PRDM10: variants seen among roughly 807,000 people sequenced by gnomAD.
The protein encoded by PRDM10 is PR domain zinc finger protein 10.
A neutral mutation model predicts 133.1 loss-of-function variants in PRDM10; 65 were observed. The observed-to-expected ratio is 0.49, with a 90% CI of 0.40 to 0.60. PRDM10 has a LOEUF of 0.60. Among genes scored for constraint, PRDM10 ranks in the 20% least tolerant of loss-of-function variants. The pLI is 0.00. For synonymous variants in PRDM10, 582 were observed against 580.4 expected, an observed-to-expected ratio of 1.00 and a Z score of -0.04; for missense variants, 1,137 against 1,507.1, an observed-to-expected ratio of 0.75 and a Z score of 4.07.
chr11:129,980,438 G>A (rs1938041926), intron 1 of PRDM10, among the ~76,000 whole-genome samples: 1 of 152,080 alleles, frequency 6.6e-6, no homozygotes, highest in African/African-American at 2.4e-5. Context: ...GAGGGATCAA[G>A]ATGCTCACTC....
chr11:129,931,286 G>T, intron 10 of PRDM10, 28 bp from the exon 11 acceptor site: 1 of 1,609,358 alleles, frequency 6.2e-7, no homozygotes, highest in East Asian at 2.2e-5. Context: ...CAGGAATAGA[G>T]ATCAGTGCCG....
chr11:129,917,075 G>A, intron 15 of PRDM10, 52 bp downstream of exon 15: 1 of 1,344,304 alleles, frequency 7.4e-7, no homozygotes, highest in Admixed American at 1.9e-5. Flanking sequence ...GGACAAGTCA[G>A]CTCTAAGCAG....
chr11:129,939,850 A>AG (rs1247449102), intron 7 of PRDM10, among the ~76,000 whole-genome samples: 1 of 152,242 alleles, frequency 6.6e-6, no homozygotes, highest in Non-Finnish European at 1.5e-5. Context: ...GAGTCAATTG[A>AG]GGAAAAAGAC....
At chr11:129,962,342 C>G (rs1375569689) in intron 1 of PRDM10, among the ~76,000 whole-genome samples, 1 of 152,226 alleles carries the variant, frequency 6.6e-6, no homozygotes, top group Non-Finnish European at 1.5e-5. Context: ...GGTACGTGAA[C>G]TTCGAAAGTC....
chr11:129,996,482 G>A (rs977693314), intron 1 of PRDM10, among the ~76,000 whole-genome samples: 1 of 152,212 alleles, frequency 6.6e-6, no homozygotes, highest in African/African-American at 2.4e-5. Context: ...AAAATAGTTT[G>A]TTGGAACACA....
intron 10 of PRDM10, 89 bp downstream of exon 10, chr11:129,932,013 G>A: frequency 6.9e-7 from 1 of 1,440,928 alleles, no homozygotes; most frequent in Non-Finnish European, 9.4e-7. Flanking sequence ...TACAAACATT[G>A]GGAAGGTCTT....
chr11:129,934,873 G>A (rs571992957), intron 9 of PRDM10, among the ~76,000 whole-genome samples: 2 of 152,228 alleles, frequency 1.3e-5, no homozygotes, highest in Non-Finnish European at 2.9e-5. Context: ...TTTACCTAAG[G>A]TGAAAGCATC....
At position 129,924,906 on chromosome 11, in the gene PRDM10, C is replaced by A. The variant is rs1309116223; in HGVS notation, c.1854G>T (p.Lys618Asn). Reference sequence around the variant, plus strand: ...CCTGGATAAAATCTGGGAACCGTTTCTTACAAGTTGGGCAGGTGAAGTAGC... The same window carrying A: ...CCTGGATAAAATCTGGGAACCGTTTATTACAAGTTGGGCAGGTGAAGTAGC... ...NDGYFTCPTC[K>N]KRFPDFIQVK... Residue 618 changes from lysine to asparagine, a missense_variant, in exon 12 of 21, where the codon AAG becomes AAT. Coordinates refer to ENST00000360871, the MANE Select transcript of PRDM10 (RefSeq NM_199437.2). The A allele has an allele frequency of 2.5e-6, 4 of 1,609,368 alleles. No individual in the cohort carries two copies. The highest frequency in any genetic ancestry group is 2.2e-5 in the East Asian group (1 of 44,854).
chr11:129,971,967 A>G (rs1435933137), intron 1 of PRDM10, among the ~76,000 whole-genome samples: 1 of 152,196 alleles, frequency 6.6e-6, no homozygotes, highest in African/African-American at 2.4e-5. Flanking sequence ...GCAGGTCCCG[A>G]GCCCTGCCCC....
intron 13 of PRDM10, among the ~76,000 whole-genome samples, chr11:129,920,145 C>A (rs1431066742): frequency 6.6e-6 from 1 of 152,186 alleles, no homozygotes; most frequent in African/African-American, 2.4e-5. Flanking sequence ...TAGTTCCCGT[C>A]TATTCCCTTT....
At chr11:129,982,965 A>T (rs1938195655) in intron 1 of PRDM10, among the ~76,000 whole-genome samples, 1 of 152,198 alleles carries the variant, frequency 6.6e-6, no homozygotes, top group East Asian at 1.9e-4. Context: ...GTCTCAAAAT[A>T]AAAGTCTTTA....
intron 13 of PRDM10, among the ~76,000 whole-genome samples, chr11:129,920,297 C>T (rs1950485475): frequency 6.6e-6 from 1 of 152,196 alleles, no homozygotes; most frequent in African/African-American, 2.4e-5. Flanking sequence ...TAACATCCCC[C>T]AAACCAAATC....
At chr11:129,913,219 C>CAAA (rs750114740) in intron 17 of PRDM10, among the ~76,000 whole-genome samples, 7 of 78,846 alleles carry the variant, frequency 8.9e-5, no homozygotes, top group Admixed American at 1.5e-4. Flanking sequence ...ACCCTGTCTC[C>CAAA]AAAAAAAAAA....
intron 8 of PRDM10, 92 bp downstream of exon 8, chr11:129,937,506 T>C (rs1951070316): frequency 8.4e-7 from 1 of 1,193,556 alleles, no homozygotes; most frequent in Admixed American, 2.6e-5. Context: ...TGAAATATAC[T>C]GAGACAAAAA....
chr11:129,949,895 T>C (rs558343639), intron 4 of PRDM10, among the ~76,000 whole-genome samples: 79 of 151,024 alleles, frequency 5.2e-4, no homozygotes, highest in African/African-American at 1.9e-3. Flanking sequence ...GATCACGCCA[T>C]TGCACTCCAG....
Position 129,914,915 on chromosome 11 carries a change from G to A in PRDM10, c.2630C>T (p.Ala877Val), listed in dbSNP as rs368035644. The change falls in exon 17 of 21, where the codon GCG becomes GTG. Residue 877 changes from alanine (A) to valine (V), a missense_variant. This residue lies in a region of PRDM10 where 113 missense variants were observed against 143.7 expected (regional missense o/e 0.79). Transcript: ENST00000360871. ...AGTGGCGCTGTCTGTAGTCAAAACC[G>A]CTGGGGTGGCACTGATCACAGCTGT... ...LTTAVISATP[A>V]VLTTDSATGE... The A allele has an allele frequency of 9.3e-6, 15 of 1,614,038 alleles. No homozygotes were observed. The highest frequency in any genetic ancestry group is 2.2e-5 in the East Asian group (1 of 44,896).
intron 1 of PRDM10, among the ~76,000 whole-genome samples, chr11:129,971,158 A>C (rs986102206): frequency 3.9e-5 from 6 of 152,152 alleles, no homozygotes; most frequent in Non-Finnish European, 7.3e-5. Context: ...TGAGTGTTAC[A>C]GCTCTTAAAA....
chr11:129,925,524 A>G (rs1950650778), intron 11 of PRDM10, among the ~76,000 whole-genome samples: 1 of 152,248 alleles, frequency 6.6e-6, no homozygotes, highest in African/African-American at 2.4e-5. Flanking sequence ...TCCCAATAGA[A>G]GACTTGTATA....
chr11:129,970,576 C>T (rs1376541842), intron 1 of PRDM10, among the ~76,000 whole-genome samples: 1 of 146,818 alleles, frequency 6.8e-6, no homozygotes, highest in Non-Finnish European at 1.5e-5. Flanking sequence ...GATGGAGTTT[C>T]GCTTGTTGCC....
Sources: gnomAD v4.1 joint callset for allele counts (sites outside exome capture counted in the v4.1 genomes callset) on GRCh38, gnomAD v4.1.1 for gene constraint, gnomAD v4.1.1 regional missense constraint, MANE v1.5 for transcripts, NCBI Gene and HGNC (gene_info 2026-07-23, HGNC 2026-07-21) for gene names.